ETNK1: variants seen among roughly 807,000 people sequenced by gnomAD.
ETNK1 encodes the protein putative protein product of Nbla10396.
Under a neutral mutation model 45.1 loss-of-function variants are expected in ETNK1, and 8 were observed. The observed-to-expected ratio is 0.18, with a 90% CI of 0.10 to 0.32. The LOEUF (loss-of-function observed/expected upper bound fraction) is 0.32. Ranked by LOEUF, ETNK1 falls within the 10% of genes least tolerant of loss-of-function variation. ETNK1 has a pLI of 1.00. For missense variants in ETNK1, 302 were observed against 430.6 expected (o/e 0.70, Z 2.64); for synonymous variants, 152 against 151.9 (o/e 1.00, Z -0.01).
chr12:22,643,615 A>C (rs1294822691), intron 1 of ETNK1, 148 bp from the exon 2 acceptor site: 1 of 565,582 alleles, frequency 1.8e-6, no homozygotes, highest in Non-Finnish European at 3.0e-6. Context: ...TAGATGTTAG[A>C]TAAAATTGTA....
chr12:22,638,592 A>G (rs920030190), intron 1 of ETNK1: 2 of 152,116 alleles, frequency 1.3e-5, no homozygotes, highest in African/African-American at 4.8e-5. Context: ...GGAATCTGCT[A>G]GCAAGTGAAT....
At chr12:22,628,194 G>A (rs1183257274) in intron 1 of ETNK1, among the ~76,000 whole-genome samples, 1 of 152,012 alleles carries the variant, frequency 6.6e-6, no homozygotes, top group Non-Finnish European at 1.5e-5. Context: ...GATGTAGACG[G>A]TACTGTTAAT....
intron 1 of ETNK1, among the ~76,000 whole-genome samples, chr12:22,633,107 TTC>T (rs897991437): frequency 2.6e-5 from 4 of 152,260 alleles, no homozygotes; most frequent in African/African-American, 9.6e-5. Flanking sequence ...GAAGTAGAAT[TTC>T]TGAGTCATCT....
intron 6 of ETNK1, among the ~76,000 whole-genome samples, chr12:22,684,170 C>T (rs1954238233): frequency 6.6e-6 from 1 of 152,026 alleles, no homozygotes; most frequent in Non-Finnish European, 1.5e-5. Flanking sequence ...CAATTATAAC[C>T]ATTAAAAACA....
At chr12:22,633,369 T>C (rs1023568985) in intron 1 of ETNK1, among the ~76,000 whole-genome samples, 2 of 152,338 alleles carry the variant, frequency 1.3e-5, no homozygotes, top group East Asian at 1.9e-4. Flanking sequence ...GCACCCGGCC[T>C]GTTCTTTTCT....
At chr12:22,633,970 C>T (rs1044563590) in intron 1 of ETNK1, among the ~76,000 whole-genome samples, 2 of 151,932 alleles carry the variant, frequency 1.3e-5, no homozygotes, top group African/African-American at 4.8e-5. Flanking sequence ...TAGTAAGGAC[C>T]TCTCTAACAC....
At chr12:22,682,395 ACT>A (rs1954222511) in intron 6 of ETNK1, 1 of 328,118 alleles carries the variant, frequency 3.0e-6, no homozygotes, top group Non-Finnish European at 6.2e-6. Context: ...AAGTCTGATA[ACT>A]CTAGTTTGAT....
chr12:22,667,844 T>C (rs1237508802), intron 4 of ETNK1, among the ~76,000 whole-genome samples: 1 of 152,206 alleles, frequency 6.6e-6, no homozygotes, highest in Non-Finnish European at 1.5e-5. Context: ...TTTTTAGTTT[T>C]AAAGTACTTT....
At chr12:22,634,550 T>C (rs1264771161) in intron 1 of ETNK1, among the ~76,000 whole-genome samples, 1 of 152,182 alleles carries the variant, frequency 6.6e-6, no homozygotes, top group East Asian at 1.9e-4. Context: ...ATTGTCTTCA[T>C]ACATTTTGCT....
At chr12:22,639,364 C>T (rs11046508) in intron 1 of ETNK1, among the ~76,000 whole-genome samples, 35,062 of 151,842 alleles carry the variant, frequency 0.23, 4,884 homozygotes, top group Non-Finnish European at 0.32. Context: ...GTTTCTTTAA[C>T]CCCTATATTT....
intron 6 of ETNK1, chr12:22,682,257 A>G: frequency 2.0e-6 from 1 of 488,584 alleles, no homozygotes; most frequent in Non-Finnish European, 4.1e-6. Context: ...ATCACATAAA[A>G]CTTTTCTCAT....
chr12:22,629,939 C>A (rs563002260), intron 1 of ETNK1, among the ~76,000 whole-genome samples: 2 of 152,086 alleles, frequency 1.3e-5, no homozygotes, highest in Non-Finnish European at 2.9e-5. Flanking sequence ...GTTTAATAGA[C>A]GCCCATCAAA....
intron 2 of ETNK1, among the ~76,000 whole-genome samples, chr12:22,654,279 G>A (rs926451203): frequency 6.6e-6 from 1 of 152,090 alleles, no homozygotes; most frequent in African/African-American, 2.4e-5. Flanking sequence ...TGTTAATTTT[G>A]TTATATAAAA....
At position 22,686,475 on chromosome 12, in the gene ETNK1, A is replaced by G. The variant is rs955958070; in HGVS notation, c.*1521A>G. 6.6e-6 allele frequency: 1 copy of G among 152,384 alleles called. No individual in the cohort carries two copies. The highest frequency in any genetic ancestry group is 2.4e-5 in the African/African-American group (1 of 41,440). 9.4% of individuals were successfully genotyped at this position (152,384 alleles called of 1,614,324 possible). ...TCTAATGTATTCCAAATGACTTAAT[A>G]TTCTCAGACAAATGCTTTAAAATAC... is the stretch of plus-strand genomic sequence containing the variant. On this transcript the variant is annotated 3_prime_UTR_variant, in exon 8 of 8. Coordinates refer to ENST00000266517, the MANE Select transcript of ETNK1 (RefSeq NM_018638.5).
intron 3 of ETNK1, among the ~76,000 whole-genome samples, chr12:22,659,589 G>A (rs1953978545): frequency 6.6e-6 from 1 of 151,936 alleles, no homozygotes; most frequent in South Asian, 2.1e-4. Context: ...ATTCAACTAG[G>A]GAACTTAACC....
At chr12:22,643,665 C>T (rs895241383) in intron 1 of ETNK1, 98 bp from the exon 2 acceptor site, 1 of 909,352 alleles carries the variant, frequency 1.1e-6, no homozygotes, top group Non-Finnish European at 1.6e-6. Context: ...TTGGTGTTTT[C>T]TTTAATTAGT....
At chr12:22,625,866 G>C (rs1230007199) in intron 1 of ETNK1, 1 of 668,526 alleles carries the variant, frequency 1.5e-6, no homozygotes, top group Admixed American at 2.0e-5. Flanking sequence ...CCTGCTGATA[G>C]TTGCCCCTCC....
rs1236169789 is a variant in ETNK1 at position 22,686,127 on chromosome 12, A to G, written c.*1173A>G. On this transcript the variant is annotated 3_prime_UTR_variant, in exon 8 of 8. Coordinates refer to ENST00000266517, the MANE Select transcript of ETNK1 (RefSeq NM_018638.5). ...AAATCTGACAAATGACAAAATGTGA[A>G]TTAAGCATAAATAGTCATGGCAGGA... The G allele has an allele frequency of 6.6e-6, 1 of 152,372 alleles. No homozygotes were observed. The highest frequency in any genetic ancestry group is 1.9e-4 in the East Asian group (1 of 5,200). The allele number at this position is 152,372 out of a possible 1,614,324, so 9.4% of individuals were successfully genotyped here. A position where few individuals can be genotyped will look rare whatever the true frequency, so the allele number is the denominator to read the frequency against.
Position 22,685,134 on chromosome 12 carries a change from T to C in ETNK1, c.*180T>C. On this transcript the variant is annotated 3_prime_UTR_variant, in exon 8 of 8. Transcript: ENST00000266517. ...ATAGACTGAATGATGTCAAGAAATA[T>C]ACCTACTGCTATCCGTATGTGGTGG... is the stretch of plus-strand genomic sequence containing the variant. 1 of 508,010 alleles carries C rather than the reference T, an allele frequency of 2.0e-6. No individual in the cohort carries two copies. Among genetic ancestry groups the C allele is most frequent in the South Asian group, 3.1e-5 (1 of 32,530 alleles). 31.5% of individuals were successfully genotyped at this position (508,010 alleles called of 1,614,324 possible).
Sources: gnomAD v4.1 joint callset for allele counts (sites outside exome capture counted in the v4.1 genomes callset) on GRCh38, gnomAD v4.1.1 for gene constraint, MANE v1.5 for transcripts, NCBI Gene and HGNC (gene_info 2026-07-23, HGNC 2026-07-21) for gene names.